RALGAPA1: variants seen among roughly 807,000 people sequenced by gnomAD.
The protein encoded by RALGAPA1 is Ral GTPase activating protein catalytic subunit alpha 1.
A neutral mutation model predicts 269.6 loss-of-function variants in RALGAPA1; 52 were observed. The ratio of observed to expected loss-of-function variants is 0.19; its 90% CI spans 0.15 to 0.24. RALGAPA1 has a LOEUF of 0.24. RALGAPA1 is among the 10% of genes least tolerant of loss of function. RALGAPA1 has a pLI of 1.00. For missense variants in RALGAPA1, 1,917 were observed against 3,013.9 expected, an observed-to-expected ratio of 0.64 and a Z score of 8.52; for synonymous variants, 817 against 1,008.3, an observed-to-expected ratio of 0.81 and a Z score of 3.60.
intron 33 of RALGAPA1, among the ~76,000 whole-genome samples, chr14:35,634,179 G>A (rs1303386246): frequency 6.6e-6 from 1 of 152,044 alleles, no homozygotes; most frequent in African/African-American, 2.4e-5. Flanking sequence ...CTGAAAATCT[G>A]AAATCCAAAA....
intron 41 of RALGAPA1, among the ~76,000 whole-genome samples, chr14:35,545,398 C>A (rs1260085422): frequency 6.6e-6 from 1 of 151,830 alleles, no homozygotes; most frequent in African/African-American, 2.4e-5. Context: ...AGATACTACT[C>A]TAGGTTTTCA....
chr14:35,644,008 T>C lies in RALGAPA1; in HGVS notation c.5676+7797A>G, dbSNP rs186990472. Among the ~76,000 whole-genome samples, 404 of 152,256 alleles carry C rather than the reference T, an allele frequency of 2.7e-3. 2 individuals carry two copies. The highest frequency in any genetic ancestry group is 9.4e-3 in the African/African-American group (392 of 41,548). On this transcript the variant is annotated intron_variant, in intron 31 of 41. Coordinates refer to ENST00000680220, the MANE Select transcript of RALGAPA1 (RefSeq NM_001346249.2). ...GTGACTATAGTAAAAAATAACTGAA[T>C]TGTACATTTAAAAATAACTAAAAAC...
chr14:35,628,235 A>G (rs1308191740), intron 33 of RALGAPA1, among the ~76,000 whole-genome samples: 1 of 152,190 alleles, frequency 6.6e-6, no homozygotes, highest in Admixed American at 6.5e-5. Flanking sequence ...TAAATCAATC[A>G]TGAAATCACT....
chr14:35,808,658 G>A (rs1368139108), intron 1 of RALGAPA1, 72 bp downstream of exon 1: 7 of 1,509,752 alleles, frequency 4.6e-6, no homozygotes, highest in Non-Finnish European at 5.4e-6. Context: ...CCGAGAGAGA[G>A]TCCGCAGGGG....
At chr14:35,720,579 T>C (rs1462972071) in intron 16 of RALGAPA1, among the ~76,000 whole-genome samples, 1 of 152,186 alleles carries the variant, frequency 6.6e-6, no homozygotes, top group African/African-American at 2.4e-5. Context: ...CAGGCAATTT[T>C]GTTTCAGGAA....
At chr14:35,799,184 T>C (rs1038974596) in intron 1 of RALGAPA1, among the ~76,000 whole-genome samples, 2 of 152,036 alleles carry the variant, frequency 1.3e-5, no homozygotes, top group African/African-American at 4.8e-5. Context: ...GGTGAAGAAA[T>C]GGAAGTAAAT....
At chr14:35,550,317 A>G (rs1330956931) in intron 39 of RALGAPA1, among the ~76,000 whole-genome samples, 1 of 152,198 alleles carries the variant, frequency 6.6e-6, no homozygotes, top group Non-Finnish European at 1.5e-5. Flanking sequence ...TCAGTGTGCT[A>G]TGCTGACAGG....
At chr14:35,644,810 C>T (rs1430297805) in intron 31 of RALGAPA1, among the ~76,000 whole-genome samples, 1 of 152,064 alleles carries the variant, frequency 6.6e-6, no homozygotes, top group Non-Finnish European at 1.5e-5. Flanking sequence ...ACAGCTAATG[C>T]ATGTGGTGAC....
intron 39 of RALGAPA1, among the ~76,000 whole-genome samples, chr14:35,562,263 C>T (rs139179197): frequency 0.013 from 1,909 of 152,286 alleles, 19 homozygotes; most frequent in Non-Finnish European, 0.02. Context: ...TTGCTTCCCC[C>T]TACTGCTCTC....
chr14:35,670,098 A>T (rs2064281360), intron 26 of RALGAPA1, among the ~76,000 whole-genome samples: 1 of 152,196 alleles, frequency 6.6e-6, no homozygotes, highest in East Asian at 1.9e-4. Context: ...CATGGCTTTA[A>T]ATATCATCTA....
intron 35 of RALGAPA1, among the ~76,000 whole-genome samples, chr14:35,611,723 A>G (rs868236286): frequency 6.6e-6 from 1 of 152,068 alleles, no homozygotes; most frequent in South Asian, 2.1e-4. Flanking sequence ...CAAAAGAGTG[A>G]GACTCTATCT....
chr14:35,716,000 T>C, intron 16 of RALGAPA1: 6 of 985,322 alleles, frequency 6.1e-6, no homozygotes, highest in East Asian at 1.1e-4. Flanking sequence ...CTCCAGAATA[T>C]CAAGTTCACT....
chr14:35,765,904 A>C lies in RALGAPA1; in HGVS notation c.326-3151T>G, dbSNP rs1298624650. ...ACTAATGGAAAAACAAATTTAGATGAGTTTGCTATGAGATCTGGAAATGCA... is the reference window on the plus strand; with the variant it reads ...ACTAATGGAAAAACAAATTTAGATGCGTTTGCTATGAGATCTGGAAATGCA... On this transcript the variant is annotated intron_variant, in intron 4 of 41. Coordinates refer to ENST00000680220, the MANE Select transcript of RALGAPA1 (RefSeq NM_001346249.2). 3 of 1,085,098 alleles carry C rather than the reference A, an allele frequency of 2.8e-6. No homozygotes were observed. In the Admixed American group the frequency reaches 5.7e-5, roughly 21 times the overall value. 67.2% of individuals were successfully genotyped at this position (1,085,098 alleles called of 1,614,324 possible).
chr14:35,586,801 G>A (rs907748676), intron 37 of RALGAPA1, among the ~76,000 whole-genome samples: 2 of 152,176 alleles, frequency 1.3e-5, no homozygotes, highest in African/African-American at 4.8e-5. Flanking sequence ...TGCATCCCAG[G>A]CATGAAGCCA....
intron 28 of RALGAPA1, among the ~76,000 whole-genome samples, chr14:35,657,110 T>A (rs1265874700): frequency 6.6e-6 from 1 of 152,106 alleles, no homozygotes; most frequent in Non-Finnish European, 1.5e-5. Context: ...CAAAATAATC[T>A]AGATTATTCC....
chr14:35,766,777 T>C (rs2074186959), intron 4 of RALGAPA1: 1 of 515,142 alleles, frequency 1.9e-6, no homozygotes, highest in African/African-American at 1.9e-5. Context: ...AACTCTGGAG[T>C]ATGCTAACTC....
intron 1 of RALGAPA1, among the ~76,000 whole-genome samples, chr14:35,778,146 A>G (rs1046728019): frequency 6.6e-6 from 1 of 152,016 alleles, no homozygotes; most frequent in Non-Finnish European, 1.5e-5. Context: ...CTGCAGCCTC[A>G]ACCTCTTGAG....
At chr14:35,769,804 A>G (rs2074480535) in intron 4 of RALGAPA1, among the ~76,000 whole-genome samples, 1 of 152,336 alleles carries the variant, frequency 6.6e-6, no homozygotes, top group South Asian at 2.1e-4. Context: ...CAAGAAATTG[A>G]AGTAATAATT....
At chr14:35,769,065 T>TAC (rs1555434158) in intron 4 of RALGAPA1, among the ~76,000 whole-genome samples, 87 of 77,760 alleles carry the variant, frequency 1.1e-3, no homozygotes, top group East Asian at 6.3e-3. Context: ...TATATATATA[T>TAC]ACACACACAT....
Sources: allele counts gnomAD v4.1 joint callset (sites outside exome capture counted in the v4.1 genomes callset), GRCh38; gene constraint gnomAD v4.1.1; transcripts MANE v1.5; gene names NCBI Gene and HGNC (gene_info 2026-07-23, HGNC 2026-07-21).